PPP1R10: variants seen among roughly 807,000 people sequenced by gnomAD.
The protein encoded by PPP1R10 is protein phosphatase 1 regulatory subunit 10.
A neutral mutation model predicts 99.0 loss-of-function variants in PPP1R10; 15 were observed. The ratio of observed to expected loss-of-function variants is 0.15; its 90% CI spans 0.10 to 0.23. The LOEUF (loss-of-function observed/expected upper bound fraction) is 0.23, where lower values mean the gene tolerates loss of function less well. Ranked by LOEUF, PPP1R10 falls within the 10% of genes least tolerant of loss-of-function variation. PPP1R10 has a pLI of 1.00. For missense variants in PPP1R10, 947 were observed against 1,259.4 expected (o/e 0.75, Z 3.75); for synonymous variants, 430 against 449.5 (o/e 0.96, Z 0.55).
intron 2 of PPP1R10, among the ~76,000 whole-genome samples, chr6:30,616,171 T>C (rs747425591): frequency 2.6e-5 from 4 of 152,232 alleles, no homozygotes; most frequent in Non-Finnish European, 4.4e-5. Flanking sequence ...TAAACACATA[T>C]GGCTTTGGCA....
intron 2 of PPP1R10, among the ~76,000 whole-genome samples, chr6:30,611,621 A>G (rs1292847435): frequency 6.6e-6 from 1 of 152,218 alleles, no homozygotes; most frequent in Non-Finnish European, 1.5e-5. Context: ...CCCAACAAAA[A>G]CGTCAGTAAG....
At position 30,607,842 on chromosome 6, in the gene PPP1R10, T is replaced by C. The variant is rs761830900; in HGVS notation, c.380A>G (p.Glu127Gly). The C allele has an allele frequency of 1.9e-6, 3 of 1,612,892 alleles. No individual in the cohort carries two copies. The highest frequency in any genetic ancestry group is 1.7e-5 in the Admixed American group (1 of 60,020). ...AGAGAGCAGAAGTGGCACCCTACCT[T>C]CATCCTCACTTGACTTGCTCAGCTG... ...VKQLSKSSED[E>G]ELRKLASVLV... Residue 127 changes from glutamate (E) to glycine (G), a missense_variant and splice_region_variant, in exon 6 of 20, where the codon GAA becomes GGA. Coordinates refer to ENST00000376511, the MANE Select transcript of PPP1R10 (RefSeq NM_002714.4).
rs1803592273 is a variant in PPP1R10 at position 30,603,519 on chromosome 6, G to A, written c.1720C>T (p.Pro574Ser). Reference protein sequence around the residue: ...SMGAGKGPQGPGGGGINVQEI... With the variant: ...SMGAGKGPQGSGGGGINVQEI... Reference sequence around the variant, plus strand: ...TGGACATTAATGCCTCCTCCTCCAGGGCCTTGGGGGCCCTTTCCAGCACCC... The same window carrying A: ...TGGACATTAATGCCTCCTCCTCCAGAGCCTTGGGGGCCCTTTCCAGCACCC... Residue 574 changes from proline (P) to serine (S), a missense_variant, in exon 16 of 20, where the codon CCT (proline) becomes TCT (serine). Pro to Ser is a moderately conservative substitution (Grantham distance 74). Around this residue, in one of 10 missense-constraint regions of PPP1R10, gnomAD observed 525 missense variants for 578.8 expected, o/e 0.91. Transcript: ENST00000376511. The A allele has an allele frequency of 7.4e-6, 12 of 1,613,300 alleles. No homozygotes were observed. The highest frequency in any genetic ancestry group is 1.0e-5 in the Non-Finnish European group (12 of 1,179,710).
rs748267340 is a variant in PPP1R10, at chr6:30,604,107, G to A, written c.1409C>T (p.Pro470Leu). 3 of 1,613,840 alleles carry A rather than the reference G, an allele frequency of 1.9e-6. No individual in the cohort carries two copies. The highest frequency in any genetic ancestry group is 2.5e-6 in the Non-Finnish European group (3 of 1,180,012). Residue 470 changes from proline (P) to leucine (L), a missense_variant, in exon 14 of 20, where the codon CCC (proline) becomes CTC (leucine). Coordinates refer to ENST00000376511, the MANE Select transcript of PPP1R10 (RefSeq NM_002714.4). This position sits in a 1 kb window ranked among gnomAD's most constrained non-coding sequence, Gnocchi z 7.3. Reference protein sequence around the residue: ...PWVCPRPLVLPSPLVTPGSNS... With the variant: ...PWVCPRPLVLLSPLVTPGSNS... ...GCTTCCAGGGGTGACAAGAGGTGAGGGCAGAACCAGGGGCCGGGGGCACAC... is the reference window on the plus strand; with the variant it reads ...GCTTCCAGGGGTGACAAGAGGTGAGAGCAGAACCAGGGGCCGGGGGCACAC...
chr6:30,603,285 C>G lies in PPP1R10; in HGVS notation c.1768G>C (p.Gly590Arg). Reference protein sequence around the residue: ...NVQEILTSIMGSPNSHPSEEL... With the variant: ...NVQEILTSIMRSPNSHPSEEL... ...TCTGAAGGATGACTGTTTGGGCTACCCTGTGAGGATGTAAGAAGGCAAAGT... is the reference window on the plus strand; with the variant it reads ...TCTGAAGGATGACTGTTTGGGCTACGCTGTGAGGATGTAAGAAGGCAAAGT... Residue 590 changes from glycine to arginine, a missense_variant and splice_region_variant, in exon 17 of 20, where the codon GGT (glycine) becomes CGT (arginine). By Grantham distance (125) the Gly-to-Arg change is moderately radical. Coordinates refer to ENST00000376511, the MANE Select transcript of PPP1R10 (RefSeq NM_002714.4). 4 of 1,612,288 alleles carry G rather than the reference C, an allele frequency of 2.5e-6. No homozygotes were observed. Among genetic ancestry groups the G allele is most frequent in the Non-Finnish European group, 3.4e-6 (4 of 1,178,380 alleles).
At position 30,606,855 on chromosome 6, in the gene PPP1R10, C is replaced by T. The variant is rs1804005723; in HGVS notation, c.384G>A (p.Glu128=). 3 of 1,613,018 alleles carry T rather than the reference C, an allele frequency of 1.9e-6. No individual in the cohort carries two copies. Among genetic ancestry groups the T allele is most frequent in the Non-Finnish European group, 2.5e-6 (3 of 1,179,204 alleles). The stretch of plus-strand genomic sequence containing the variant: ...CAAGGACTGAGGCCAATTTCCGGAG[C>T]TCTGCAGGTGACAGAAAGGGGAAAT... The part of the protein sequence containing the change: ...KQLSKSSEDE[E]LRKLASVLVS... Residue 128 remains glutamate, a splice_region_variant and synonymous_variant, in exon 7 of 20, where the codon GAG becomes GAA. Transcript: ENST00000376511. The surrounding 1 kb of genome is among the most constrained non-coding windows in gnomAD (Gnocchi z 6.3).
In PPP1R10 at chr6:30,606,935, A is replaced by G. The variant is rs1804013679; in HGVS notation, c.383-79T>C. 2 of 1,302,948 alleles carry G rather than the reference A, an allele frequency of 1.5e-6. No homozygotes were observed. The highest frequency in any genetic ancestry group is 2.2e-6 in the Non-Finnish European group (2 of 920,524). The allele number at this position is 1,302,948 out of a possible 1,614,324, so 80.7% of individuals were successfully genotyped here. A position where few individuals can be genotyped will look rare whatever the true frequency, so the allele number is the denominator to read the frequency against. On this transcript the variant is annotated intron_variant, in intron 6 of 19. Transcript: ENST00000376511. This position sits in a 1 kb window ranked among gnomAD's most constrained non-coding sequence, Gnocchi z 6.3. ...AGGAACAGAAAATGGGAGGTTTGAG[A>G]AAATATTGTGAAAATTTATGTAACG... is the stretch of plus-strand genomic sequence containing the variant.
At chr6:30,613,584 C>T (rs1016375977) in intron 2 of PPP1R10, among the ~76,000 whole-genome samples, 2 of 152,172 alleles carry the variant, frequency 1.3e-5, no homozygotes, top group Non-Finnish European at 2.9e-5. Flanking sequence ...TCCTCAAAAG[C>T]TTATCTGCCT....
In PPP1R10 at chr6:30,606,722, G is replaced by A; in HGVS notation, c.460+57C>T. 1 of 1,609,758 alleles carries A rather than the reference G, an allele frequency of 6.2e-7. No homozygotes were observed. The highest frequency in any genetic ancestry group is 8.5e-7 in the Non-Finnish European group (1 of 1,176,096). On this transcript the variant is annotated intron_variant, in intron 7 of 19. Transcript: ENST00000376511. This position sits in a 1 kb window ranked among gnomAD's most constrained non-coding sequence, Gnocchi z 6.3. ...GTGAAGCAGACTGGGAGCACCTAAA[G>A]GCCACATCCCAATAGGAAAGAAATA...
chr6:30,613,997 G>A (rs1014293373), intron 2 of PPP1R10, among the ~76,000 whole-genome samples: 1 of 152,170 alleles, frequency 6.6e-6, no homozygotes, highest in African/African-American at 2.4e-5. Flanking sequence ...TCTCACCCAG[G>A]TCACCAGAGG....
In PPP1R10 at chr6:30,602,763, T is replaced by TCC; in HGVS notation, c.1958-74_1958-73dup. The TCC allele has an allele frequency of 6.4e-7, 1 of 1,561,140 alleles. No homozygotes were observed. The highest frequency in any genetic ancestry group is 8.7e-7 in the Non-Finnish European group (1 of 1,148,566). ...CCATCTCCCAACCTAAACCACCACC[T>TCC]CCCACCTTCCAGTCAATCCTATACT... On this transcript the variant is annotated intron_variant, in intron 18 of 19. Transcript: ENST00000376511. The surrounding 1 kb of genome is among the most constrained non-coding windows in gnomAD (Gnocchi z 6.7).
At chr6:30,615,832 T>C (rs1412447110) in intron 2 of PPP1R10, among the ~76,000 whole-genome samples, 1 of 152,200 alleles carries the variant, frequency 6.6e-6, no homozygotes, top group African/African-American at 2.4e-5. Flanking sequence ...TTATATTTTG[T>C]CCTAAGTGTC....
In PPP1R10 at chr6:30,603,234, A is replaced by C; in HGVS notation, c.1819T>G (p.Ser607Ala). 2 of 1,613,740 alleles carry C rather than the reference A, an allele frequency of 1.2e-6. No homozygotes were observed. Among genetic ancestry groups the C allele is most frequent in the Non-Finnish European group, 1.7e-6 (2 of 1,179,720 alleles). ...SEELLKQPDY[S>A]DKIKQMLVPH... ...CCCAGCATCTGCTTGATCTTGTCCG[A>C]ATAGTCTGGTTGTTTCAGTAGTTCC... The change falls in exon 17 of 20, where the codon TCG becomes GCG. Residue 607 changes from serine to alanine, a missense_variant. Ser to Ala is a moderately conservative substitution (Grantham distance 99). Coordinates refer to ENST00000376511, the MANE Select transcript of PPP1R10 (RefSeq NM_002714.4).
chr6:30,606,024 G>T lies in PPP1R10; in HGVS notation c.752C>A (p.Ala251Asp). 1 of 1,614,014 alleles carries T rather than the reference G, an allele frequency of 6.2e-7. No homozygotes were observed. Reference sequence around the variant, plus strand: ...TGCAGGGGGAGTGGCATCTCCTGGAGCAGCTACGTTGCTGTCAGAAGAGGA... The same window carrying T: ...TGCAGGGGGAGTGGCATCTCCTGGATCAGCTACGTTGCTGTCAGAAGAGGA... The part of the protein sequence containing the change: ...IPLKRQSNVA[A>D]PGDATPPAEK... The change falls in exon 10 of 20, where the codon GCT becomes GAT. Residue 251 changes from alanine to aspartate, a missense_variant. Transcript: ENST00000376511. This position sits in a 1 kb window ranked among gnomAD's most constrained non-coding sequence, Gnocchi z 6.3.
chr6:30,603,899 A>AGACCCTGGT, intron 14 of PPP1R10, 56 bp from the exon 15 acceptor site: 1 of 1,522,468 alleles, frequency 6.6e-7, no homozygotes, highest in Non-Finnish European at 8.8e-7. Context: ...TTATTAATTC[A>AGACCCTGGT]GACCCTGAAA....
In PPP1R10 at chr6:30,609,219, A is replaced by G; in HGVS notation, c.108-56T>C. 3 of 1,555,026 alleles carry G rather than the reference A, an allele frequency of 1.9e-6. No homozygotes were observed. The highest frequency in any genetic ancestry group is 1.7e-4 in the Middle Eastern group (1 of 5,952). ...AGCAGCCAGTATCTCTTCTCTTAGC[A>G]AAAGCGCCTCTCTGTGAACTGCCTA... On this transcript the variant is annotated intron_variant, in intron 3 of 19. Transcript: ENST00000376511. The surrounding 1 kb of genome is among the most constrained non-coding windows in gnomAD (Gnocchi z 4.5).
At position 30,602,153 on chromosome 6, in the gene PPP1R10, G is replaced by A. The variant is rs552222122; in HGVS notation, c.2496C>T (p.His832=). The change falls in exon 19 of 20, where the codon CAC becomes CAT. Residue 832 remains histidine, a synonymous_variant. Transcript: ENST00000376511. The surrounding 1 kb of genome is among the most constrained non-coding windows in gnomAD (Gnocchi z 6.7). ...GMGAGGGHRP[H]EGPGGSMGGS... ...CACCCATGCTTCCGCCAGGGCCTTC[G>A]TGGGGGCGATGTCCACCACCGGCAC... The A allele has an allele frequency of 2.5e-5, 41 of 1,609,450 alleles. No homozygotes were observed. In the African/African-American group the frequency reaches 3.3e-4, roughly 13 times the overall value.
chr6:30,606,814 G>A lies in PPP1R10; in HGVS notation c.425C>T (p.Ala142Val). Residue 142 changes from alanine to valine, a missense_variant, in exon 7 of 20, where the codon GCT (alanine) becomes GTT (valine). Coordinates refer to ENST00000376511, the MANE Select transcript of PPP1R10 (RefSeq NM_002714.4). This position sits in a 1 kb window ranked among gnomAD's most constrained non-coding sequence, Gnocchi z 6.3. ...GGTACTGCTCTGAGAGCGGATGACA[G>A]CCATCCAGTCGCTGACAAGGACTGA... is the stretch of plus-strand genomic sequence containing the variant. Reference protein sequence around the residue: ...LASVLVSDWMAVIRSQSSTQP... With the variant: ...LASVLVSDWMVVIRSQSSTQP... 1 of 1,614,112 alleles carries A rather than the reference G, an allele frequency of 6.2e-7. No homozygotes were observed. Among genetic ancestry groups the A allele is most frequent in the Non-Finnish European group, 8.5e-7 (1 of 1,180,010 alleles).
Position 30,602,338 on chromosome 6 carries a change from C to T in PPP1R10, c.2311G>A (p.Glu771Lys), listed in dbSNP as rs1464349300. The stretch of plus-strand genomic sequence containing the variant: ...CTTCCCATGCCACCGCCAGGGCCTT[C>T]GTGGGGACGATGTCCACTGCTGTTG... ...MGNSSGHRPH[E>K]GPGGGMGSGH... The change falls in exon 19 of 20, where the codon GAA becomes AAA. Residue 771 changes from glutamate (E) to lysine (K), a missense_variant. Physicochemically the swap from Glu to Lys is moderately conservative, Grantham distance 56. This residue lies in a region of PPP1R10 where 525 missense variants were observed against 578.8 expected (regional missense o/e 0.91). Transcript: ENST00000376511. The surrounding 1 kb of genome is among the most constrained non-coding windows in gnomAD (Gnocchi z 6.7). The T allele has an allele frequency of 6.2e-6, 10 of 1,612,810 alleles. No individual in the cohort carries two copies. The highest frequency in any genetic ancestry group is 3.3e-5 in the South Asian group (3 of 91,088).
Sources: gnomAD v4.1 joint callset for allele counts (sites outside exome capture counted in the v4.1 genomes callset) on GRCh38, gnomAD v4.1.1 for gene constraint, gnomAD v4.1.1 regional missense constraint, Gnocchi (gnomAD v3.1) non-coding constraint, MANE v1.5 for transcripts, NCBI Gene and HGNC (gene_info 2026-07-23, HGNC 2026-07-21) for gene names.